The following EYS variants were observed in gnomAD, a reference collection of about 807,000 sequenced individuals.
The protein encoded by EYS is protein eyes shut homolog.
EYS carries 250 observed loss-of-function variants against 282.1 expected under a neutral mutation model. The ratio of observed to expected loss-of-function variants is 0.89; its 90% CI spans 0.80 to 0.98. EYS has a LOEUF of 0.98. Ranked by LOEUF, EYS falls within the 50% of genes least tolerant of loss-of-function variation. The pLI is 0.00. For missense variants in EYS, 4,016 were observed against 3,709.0 expected (o/e 1.08, Z -2.15); for synonymous variants, 1,355 against 1,282.9 (o/e 1.06, Z -1.20).
chr6:65,430,273 T>A (rs767295288), intron 5 of EYS, among the ~76,000 whole-genome samples: 1 of 152,150 alleles, frequency 6.6e-6, no homozygotes, highest in African/African-American at 2.4e-5. Context: ...TCAGTGCTGT[T>A]CTGTTAGAGC....
At chr6:63,994,093 G>A (rs1477216921) in intron 34 of EYS, among the ~76,000 whole-genome samples, 1 of 151,948 alleles carries the variant, frequency 6.6e-6, no homozygotes, top group African/African-American at 2.4e-5. Flanking sequence ...GCAAAAGAGT[G>A]TCATTTTATA....
chr6:64,583,534 G>A (rs572844204), intron 26 of EYS, among the ~76,000 whole-genome samples: 1 of 152,052 alleles, frequency 6.6e-6, no homozygotes, highest in African/African-American at 2.4e-5. Context: ...AGTAGCTCAC[G>A]CCTGTTATCC....
intron 28 of EYS, among the ~76,000 whole-genome samples, chr6:64,412,020 C>T (rs1167102597): frequency 1.1e-5 from 1 of 90,008 alleles, no homozygotes; most frequent in Non-Finnish European, 2.5e-5. Context: ...GTTATGAATT[C>T]AAGAGGAATG....
intron 12 of EYS, 121 bp from the exon 13 acceptor site, chr6:65,057,848 T>G: frequency 3.0e-6 from 2 of 666,006 alleles, no homozygotes; most frequent in South Asian, 3.6e-5. Flanking sequence ...CCAAATTTAT[T>G]AGATAAGAAT....
intron 30 of EYS, among the ~76,000 whole-genome samples, chr6:64,248,830 G>A (rs992407474): frequency 5.3e-5 from 8 of 151,992 alleles, no homozygotes; most frequent in Non-Finnish European, 7.4e-5. Flanking sequence ...CAAGGCAGGC[G>A]AATTGTGTTG....
chr6:64,834,186 CT>C (rs1765310981), intron 19 of EYS, among the ~76,000 whole-genome samples: 1 of 151,782 alleles, frequency 6.6e-6, no homozygotes. Flanking sequence ...AATAAATGTT[CT>C]TTATCGGAAC....
intron 26 of EYS, among the ~76,000 whole-genome samples, chr6:64,546,642 C>T (rs1764880834): frequency 6.6e-6 from 1 of 152,112 alleles, no homozygotes; most frequent in South Asian, 2.1e-4. Context: ...GGCTAATATC[C>T]AGAACCTACA....
intron 31 of EYS, among the ~76,000 whole-genome samples, chr6:64,139,249 T>C (rs1774259599): frequency 6.6e-6 from 1 of 152,136 alleles, no homozygotes; most frequent in Non-Finnish European, 1.5e-5. Context: ...ACCCAATATA[T>C]GCATTTTCAT....
At position 64,214,653 on chromosome 6, in the gene EYS, AT is replaced by A. The variant is rs1252616678; in HGVS notation, c.6424+15938del. On this transcript the variant is annotated intron_variant, in intron 31 of 42. Transcript: ENST00000503581. The stretch of plus-strand genomic sequence containing the variant: ...GATGTATTTAAGTAAATAAAATACC[AT>A]AGGAAGTCATAATCATAGAAATATA... Among the ~76,000 whole-genome samples the A allele has an allele frequency of 7.2e-5, 11 of 152,096 alleles. 1 individual carries two copies. The highest frequency in any genetic ancestry group is 7.2e-4 in the Admixed American group (11 of 15,258).
chr6:65,200,169 T>A (rs1377130402), intron 12 of EYS, among the ~76,000 whole-genome samples: 2 of 148,066 alleles, frequency 1.4e-5, no homozygotes, highest in African/African-American at 5.3e-5. Context: ...AAGTTAAGTG[T>A]CAAAGATAAT....
chr6:64,345,425 A>T (rs1771344484), intron 29 of EYS, among the ~76,000 whole-genome samples: 1 of 152,166 alleles, frequency 6.6e-6, no homozygotes, highest in Non-Finnish European at 1.5e-5. Flanking sequence ...ATCTTTGACA[A>T]ACCTCACAAA....
intron 26 of EYS, among the ~76,000 whole-genome samples, chr6:64,513,835 T>A (rs1452788650): frequency 4.0e-5 from 6 of 151,804 alleles, no homozygotes; most frequent in Non-Finnish European, 4.4e-5. Flanking sequence ...GGCCCAATCT[T>A]GTGGAACTTT....
At chr6:64,521,385 C>T (rs991639931) in intron 26 of EYS, among the ~76,000 whole-genome samples, 2 of 151,710 alleles carry the variant, frequency 1.3e-5, no homozygotes, top group Admixed American at 6.6e-5. Context: ...CCAGAAGTCA[C>T]TGGGAATTTT....
intron 22 of EYS, among the ~76,000 whole-genome samples, chr6:64,779,037 T>C (rs1773776577): frequency 6.6e-6 from 1 of 152,162 alleles, no homozygotes; most frequent in South Asian, 2.1e-4. Context: ...CAATCATTTC[T>C]GGTGAAATTG....
intron 30 of EYS, among the ~76,000 whole-genome samples, chr6:64,287,031 A>G (rs752110855): frequency 1.3e-5 from 2 of 152,170 alleles, no homozygotes; most frequent in African/African-American, 4.8e-5. Flanking sequence ...ATTTATATGT[A>G]AAAACAAAAA....
At chr6:64,317,401 T>C (rs1770017431) in intron 29 of EYS, among the ~76,000 whole-genome samples, 1 of 133,668 alleles carries the variant, frequency 7.5e-6, no homozygotes, top group African/African-American at 2.8e-5. Context: ...AAAGAAGACA[T>C]TTATGCAGCC....
chr6:65,702,300 CA>C (rs1331100574), intron 1 of EYS, among the ~76,000 whole-genome samples: 27 of 152,066 alleles, frequency 1.8e-4, no homozygotes, highest in Admixed American at 1.4e-3. Context: ...TTATGAACAA[CA>C]AAAAAGCTCA....
chr6:64,511,834 A>C (rs1322108784), intron 26 of EYS, among the ~76,000 whole-genome samples: 1 of 152,066 alleles, frequency 6.6e-6, no homozygotes, highest in East Asian at 1.9e-4. Context: ...GGGGTGTTAA[A>C]ATGTGTCACT....
intron 16 of EYS, among the ~76,000 whole-genome samples, chr6:64,904,827 C>T (rs1767773953): frequency 6.6e-6 from 1 of 152,062 alleles, no homozygotes; most frequent in Non-Finnish European, 1.5e-5. Flanking sequence ...GTGATTTTGT[C>T]ATATTTATTA....
Sources: allele counts gnomAD v4.1 joint callset (sites outside exome capture counted in the v4.1 genomes callset), GRCh38; gene constraint gnomAD v4.1.1; transcripts MANE v1.5; gene names NCBI Gene and HGNC (gene_info 2026-07-23, HGNC 2026-07-21).